Variants in SYVN1 observed in about 807,000 individuals in gnomAD.
SYVN1 encodes synoviolin 1.
SYVN1 carries 17 observed loss-of-function variants against 62.6 expected under a neutral mutation model. That is an observed-to-expected ratio of 0.27 (90% confidence interval 0.19 to 0.41). The LOEUF (loss-of-function observed/expected upper bound fraction) is 0.41. SYVN1 is among the 10% of genes least tolerant of loss of function. The pLI, the probability that SYVN1 is intolerant of heterozygous loss-of-function variation, is 1.00. For missense variants in SYVN1, 634 were observed against 818.0 expected (o/e 0.78, Z 2.74); for synonymous variants, 316 against 304.0 (o/e 1.04, Z -0.41).
chr11:65,129,471 C>G, intron 14 of SYVN1: 1 of 423,406 alleles, frequency 2.4e-6, no homozygotes, highest in Non-Finnish European at 4.2e-6. Flanking sequence ...AATAATTTGA[C>G]TTTAGAAAAA....
At chr11:65,128,828 C>T (rs1357994171) in intron 14 of SYVN1, 114 bp from the exon 15 acceptor site, 2 of 1,159,894 alleles carry the variant, frequency 1.7e-6, no homozygotes, top group African/African-American at 3.1e-5. Context: ...GCCCTTGTGG[C>T]CCCAGTGCCT....
At chr11:65,132,040 C>A (rs554265471) in intron 6 of SYVN1, among the ~76,000 whole-genome samples, 65 of 152,332 alleles carry the variant, frequency 4.3e-4, no homozygotes, top group African/African-American at 1.6e-3. Context: ...CAGGTTGGGG[C>A]TCCTCCTCTG....
At position 65,130,328 on chromosome 11, in the gene SYVN1, G is replaced by A. The variant is rs769002450; in HGVS notation, c.1157C>T (p.Pro386Leu). The change falls in exon 12 of 16, where the codon CCC (proline) becomes CTC (leucine). Residue 386 changes from proline (P) to leucine (L), a missense_variant. Transcript: ENST00000377190. ...GACAGGTGGAAAGGGGCCCATGGGG[G>A]GCCACAGTGGGAACATGCCTGGAGG... Reference protein sequence around the residue: ...PFPPGMFPLWPPMGPFPPVPP... With the variant: ...PFPPGMFPLWLPMGPFPPVPP... 2 of 1,575,830 alleles carry A rather than the reference G, an allele frequency of 1.3e-6. No individual in the cohort carries two copies. The highest frequency in any genetic ancestry group is 1.9e-5 in the Admixed American group (1 of 53,136).
rs748969378 is a variant in SYVN1 at position 65,130,645 on chromosome 11, C to A, written c.1105+15G>T. ...TCCAGTGGTATGCCGGGTGGCCAGA[C>A]AAGGGGATACTCACAGTTGGGGGGC... On this transcript the variant is annotated intron_variant, in intron 11 of 15. Transcript: ENST00000377190. The A allele has an allele frequency of 6.8e-7, 1 of 1,480,016 alleles. No homozygotes were observed. The highest frequency in any genetic ancestry group is 1.4e-5 in the South Asian group (1 of 72,774). The allele number at this position is 1,480,016 out of a possible 1,614,324, so 91.7% of individuals were successfully genotyped here. A position where few individuals can be genotyped will look rare whatever the true frequency, so the allele number is the denominator to read the frequency against.
At position 65,130,437 on chromosome 11, in the gene SYVN1, G is replaced by A. The variant is rs573936495; in HGVS notation, c.1106-58C>T. 38 of 1,487,772 alleles carry A rather than the reference G, an allele frequency of 2.6e-5. 1 individual carries two copies. The highest frequency in any genetic ancestry group is 2.4e-4 in the African/African-American group (17 of 71,216). 92.2% of individuals were successfully genotyped at this position (1,487,772 alleles called of 1,614,324 possible). A position where few individuals can be genotyped will look rare whatever the true frequency, so the allele number is the denominator to read the frequency against. ...CAAATGGACACAGACCCAACTCCCA[G>A]GCAGGGGGCCTGGCTATTGAGAGCT... On this transcript the variant is annotated intron_variant, in intron 11 of 15. Coordinates refer to ENST00000377190, the MANE Select transcript of SYVN1 (RefSeq NM_172230.3).
rs530072244 is a variant in SYVN1 at position 65,132,369 on chromosome 11, C to T, written c.428-18G>A. ...CATAAGAGCTGTGGGGACCCCCACA[C>T]ATGCAGGGTGGGGGGGTCAGCCCAG... On this transcript the variant is annotated intron_variant, in intron 5 of 15. Coordinates refer to ENST00000377190, the MANE Select transcript of SYVN1 (RefSeq NM_172230.3). 5.7e-6 allele frequency: 9 copies of T among 1,565,968 alleles called. No individual in the cohort carries two copies. In the East Asian group the frequency reaches 1.1e-4, roughly 20 times the overall value.
chr11:65,132,667 C>T (rs1948196403), intron 5 of SYVN1, 65 bp downstream of exon 5: 3 of 1,544,306 alleles, frequency 1.9e-6, no homozygotes, highest in Non-Finnish European at 2.7e-6. Flanking sequence ...GTAGCCTGTG[C>T]TCTGGAGTAC....
Position 65,128,507 on chromosome 11 carries a change from G to A in SYVN1, c.1748-19C>T, listed in dbSNP as rs61136517. On this transcript the variant is annotated intron_variant, in intron 15 of 15. Transcript: ENST00000377190. ...TCAGGAGCTGGGGACAGAGAGACTGGAAGTGGAACCTAGAGAAGTTCCCTG... is the reference window on the plus strand; with the variant it reads ...TCAGGAGCTGGGGACAGAGAGACTGAAAGTGGAACCTAGAGAAGTTCCCTG... 5,713 of 1,613,392 alleles carry A rather than the reference G, an allele frequency of 3.5e-3. 187 individuals are homozygous for A. In the African/African-American group the frequency reaches 0.066, roughly 19 times the overall value.
chr11:65,131,657 T>C (rs990927339), intron 6 of SYVN1, 61 bp from the exon 7 acceptor site: 20 of 1,589,128 alleles, frequency 1.3e-5, no homozygotes, highest in South Asian at 6.8e-5. Flanking sequence ...TGCACCCACA[T>C]TGCTCCCCAA....
rs1948139304 is a variant in SYVN1, at chr11:65,128,917, T to G, written c.1596-203A>C. On this transcript the variant is annotated intron_variant, in intron 14 of 15. Coordinates refer to ENST00000377190, the MANE Select transcript of SYVN1 (RefSeq NM_172230.3). ...GGGCCAAATGATTCTATCCCTTAGCTGTAAGGTGCTTGCAGGCAGGGACTG... is the reference window on the plus strand; with the variant it reads ...GGGCCAAATGATTCTATCCCTTAGCGGTAAGGTGCTTGCAGGCAGGGACTG... 4.9e-6 allele frequency: 3 copies of G among 607,838 alleles called. No individual in the cohort carries two copies. In the East Asian group the frequency reaches 8.5e-5, roughly 17 times the overall value. 37.7% of individuals were successfully genotyped at this position (607,838 alleles called of 1,614,324 possible).
In SYVN1 at chr11:65,130,184, C is replaced by T; in HGVS notation, c.1235-9G>A. ...GGGCCGAGAAAGGGCTGCTGAAGAG[C>T]AGGAACGAAGTCAGTGAGTGTTCCA... On this transcript the variant is annotated splice_polypyrimidine_tract_variant and intron_variant, in intron 12 of 15. Transcript: ENST00000377190. 1.2e-6 allele frequency: 2 copies of T among 1,605,224 alleles called. No homozygotes were observed. Among genetic ancestry groups the T allele is most frequent in the Non-Finnish European group, 1.7e-6 (2 of 1,175,316 alleles).
rs769871031 is a variant in SYVN1 at position 65,130,054 on chromosome 11, AGGGGCAGGGCCAGCCTCT to A, written c.1338_1355del (p.Glu447_Pro452del). ...TCCAGGGAGGAGGGAAGGGGAAACCAGGGGCAGGGCCAGCCTCTGGGGCAGAGCCAGAGCCTGGGCCAG... is the reference window on the plus strand; with the variant it reads ...TCCAGGGAGGAGGGAAGGGGAAACCAGGGGCAGAGCCAGAGCCTGGGCCAG... On this transcript the variant is annotated inframe_deletion, in exon 13 of 16. Coordinates refer to ENST00000377190, the MANE Select transcript of SYVN1 (RefSeq NM_172230.3). 2 of 1,605,990 alleles carry A rather than the reference AGGGGCAGGGCCAGCCTCT, an allele frequency of 1.2e-6. No individual in the cohort carries two copies. The highest frequency in any genetic ancestry group is 1.7e-5 in the Admixed American group (1 of 59,044).
Position 65,127,457 on chromosome 11 carries a change from CCTTTTCTAAA to C in SYVN1, c.*915_*924del, listed in dbSNP as rs1195347486. ...CCTGTGGTCCCTCCTTGGCACAGAG[CCTTTTCTAAA>C]CTGGAAAGACCAGGAGTCTGGCACT... On this transcript the variant is annotated 3_prime_UTR_variant, in exon 16 of 16. Coordinates refer to ENST00000377190, the MANE Select transcript of SYVN1 (RefSeq NM_172230.3). 52 of 171,698 alleles carry C rather than the reference CCTTTTCTAAA, an allele frequency of 3.0e-4. No individual in the cohort carries two copies. In the East Asian group the frequency reaches 8.0e-3, roughly 27 times the overall value. 10.6% of individuals were successfully genotyped at this position (171,698 alleles called of 1,614,324 possible).
At chr11:65,132,170 G>A (rs1021284993) in intron 6 of SYVN1, 78 bp downstream of exon 6, 5 of 1,152,420 alleles carry the variant, frequency 4.3e-6, no homozygotes, top group African/African-American at 3.0e-5. Flanking sequence ...AGGTGCTGAG[G>A]AAGGGTCTGT....
chr11:65,132,384 G>A (rs779622335), intron 5 of SYVN1, 33 bp from the exon 6 acceptor site: 10 of 1,468,510 alleles, frequency 6.8e-6, no homozygotes, highest in Middle Eastern at 1.7e-4. Flanking sequence ...AGGGTGGGGG[G>A]GTCAGCCCAG....
At chr11:65,131,651 C>A in intron 6 of SYVN1, 55 bp from the exon 7 acceptor site, 2 of 1,593,902 alleles carry the variant, frequency 1.3e-6, no homozygotes, top group Non-Finnish European at 1.7e-6. Context: ...CCTTGCTGCA[C>A]CCACATTGCT....
chr11:65,132,923 A>C lies in SYVN1; in HGVS notation c.377T>G (p.Phe126Cys). Residue 126 changes from phenylalanine (F) to cysteine (C), a missense_variant and splice_region_variant, in exon 4 of 16, where the codon TTT becomes TGT. Phe to Cys is a radical substitution (Grantham distance 205). Coordinates refer to ENST00000377190, the MANE Select transcript of SYVN1 (RefSeq NM_172230.3). ...CCAGAACTCCCTGCCTTGACTCACAAAGTCCACACGGTCCTCAGCCAGCCA... is the reference window on the plus strand; with the variant it reads ...CCAGAACTCCCTGCCTTGACTCACACAGTCCACACGGTCCTCAGCCAGCCA... ...FHWLAEDRVD[F>C]MERSPNISWL... is the part of the protein sequence containing the mutation. The C allele has an allele frequency of 1.9e-6, 3 of 1,614,098 alleles. No homozygotes were observed. Among genetic ancestry groups the C allele is most frequent in the Non-Finnish European group, 2.5e-6 (3 of 1,179,974 alleles).
chr11:65,131,637 TC>T, intron 6 of SYVN1, 41 bp from the exon 7 acceptor site: 2 of 1,602,376 alleles, frequency 1.2e-6, no homozygotes. Context: ...AACACATAGC[TC>T]CCCCTTGCTG....
In SYVN1 at chr11:65,130,306, A is replaced by C; in HGVS notation, c.1179T>G (p.Pro393=). The change falls in exon 12 of 16, where the codon CCT becomes CCG. Residue 393 remains proline (P), a synonymous_variant. Transcript: ENST00000377190. The stretch of plus-strand genomic sequence containing the variant: ...CTCCTGAGCTGGGGGGAGGCGGGAC[A>C]GGTGGAAAGGGGCCCATGGGGGGCC... The part of the protein sequence containing the change: ...PLWPPMGPFP[P]VPPPPSSGEA... 6.3e-7 allele frequency: 1 copy of C among 1,589,840 alleles called. No individual in the cohort carries two copies. The highest frequency in any genetic ancestry group is 2.3e-5 in the East Asian group (1 of 44,356).
Sources: allele counts gnomAD v4.1 joint callset (sites outside exome capture counted in the v4.1 genomes callset), GRCh38; gene constraint gnomAD v4.1.1; transcripts MANE v1.5; gene names NCBI Gene and HGNC (gene_info 2026-07-23, HGNC 2026-07-21).